The following NEMP2 variants were observed in gnomAD, a reference collection of about 807,000 sequenced individuals.
NEMP2 encodes the protein nuclear envelope integral membrane protein 2, also known as UPF0571 transmembrane protein.
A neutral mutation model predicts 54.2 loss-of-function variants in NEMP2; 53 were observed. The observed-to-expected ratio is 0.98, with a 90% CI of 0.78 to 1.23. The LOEUF is 1.23. NEMP2 is among the 50% of genes most tolerant of loss of function. The pLI, the probability that NEMP2 is intolerant of heterozygous loss-of-function variation, is 0.00. For missense variants in NEMP2, 455 were observed against 511.3 expected (o/e 0.89, Z 1.06); for synonymous variants, 197 against 190.3 (o/e 1.04, Z -0.29).
the NEMP2 span, among the ~76,000 whole-genome samples, chr2:190,638,013 G>A: frequency 6.6e-6 from 1 of 152,206 alleles, no homozygotes; most frequent in African/African-American, 2.4e-5. This position sits in a 1 kb window ranked among gnomAD's most constrained non-coding sequence, Gnocchi z 5.7. Flanking sequence ...CTGGGTGCCC[G>A]AGAGGGAGGT....
At chr2:190,606,963 C>T in the NEMP2 span, among the ~76,000 whole-genome samples, 88 of 152,162 alleles carry the variant, frequency 5.8e-4, no homozygotes, top group Non-Finnish European at 8.5e-4. Flanking sequence ...TACCTTGTAC[C>T]GGGAATGCAG....
chr2:190,431,487 G>T, the NEMP2 span, among the ~76,000 whole-genome samples: 2 of 152,324 alleles, frequency 1.3e-5, no homozygotes, highest in East Asian at 3.9e-4. This position sits in a 1 kb window ranked among gnomAD's most constrained non-coding sequence, Gnocchi z 4.4. Context: ...CGGATCACTC[G>T]CGATTAGGAG....
chr2:190,455,538 C>G, the NEMP2 span, among the ~76,000 whole-genome samples: 4 of 152,226 alleles, frequency 2.6e-5, no homozygotes, highest in South Asian at 8.3e-4. Flanking sequence ...ACCCTGGCAA[C>G]TTGGTGAACC....
chr2:190,562,093 T>C, the NEMP2 span, among the ~76,000 whole-genome samples: 1 of 152,208 alleles, frequency 6.6e-6, no homozygotes, highest in Non-Finnish European at 1.5e-5. This position sits in a 1 kb window ranked among gnomAD's most constrained non-coding sequence, Gnocchi z 5.0. Context: ...ATATTTGATT[T>C]AGGATGACCT....
the NEMP2 span, among the ~76,000 whole-genome samples, chr2:190,575,155 G>A: frequency 2.6e-5 from 4 of 151,610 alleles, no homozygotes; most frequent in Non-Finnish European, 5.9e-5. Flanking sequence ...GTGCCCAGCC[G>A]ACTCTGTTTC....
chr2:190,441,878 C>G, the NEMP2 span, among the ~76,000 whole-genome samples: 14 of 152,180 alleles, frequency 9.2e-5, no homozygotes, highest in South Asian at 6.2e-4. Context: ...AGTGGTCTGG[C>G]TTCCCAGCTT....
At chr2:190,619,338 A>C in the NEMP2 span, among the ~76,000 whole-genome samples, 1 of 151,196 alleles carries the variant, frequency 6.6e-6, no homozygotes, top group South Asian at 2.1e-4. This position sits in a 1 kb window ranked among gnomAD's most constrained non-coding sequence, Gnocchi z 5.5. Flanking sequence ...GTCTCCACAA[A>C]AAAAAAAAAA....
chr2:190,601,896 A>G, the NEMP2 span, among the ~76,000 whole-genome samples: 7 of 152,222 alleles, frequency 4.6e-5, no homozygotes, highest in Non-Finnish European at 1.0e-4. The surrounding 1 kb of genome is among the most constrained non-coding windows in gnomAD (Gnocchi z 5.8). Context: ...AATAATAAGA[A>G]AGGTAGAATT....
the NEMP2 span, among the ~76,000 whole-genome samples, chr2:190,471,835 C>A: frequency 2.6e-5 from 4 of 152,196 alleles, no homozygotes; most frequent in Non-Finnish European, 5.9e-5. The surrounding 1 kb of genome is among the most constrained non-coding windows in gnomAD (Gnocchi z 4.7). Context: ...CTGGGAGGCA[C>A]CCCCCAGTAG....
chr2:190,471,316 G>T, the NEMP2 span, among the ~76,000 whole-genome samples: 1 of 152,226 alleles, frequency 6.6e-6, no homozygotes, highest in Admixed American at 6.5e-5. The surrounding 1 kb of genome is among the most constrained non-coding windows in gnomAD (Gnocchi z 4.7). Context: ...GGAAGCACAA[G>T]GGGTCAGGGA....
chr2:190,599,843 C>T, the NEMP2 span, among the ~76,000 whole-genome samples: 9 of 152,118 alleles, frequency 5.9e-5, no homozygotes, highest in African/African-American at 9.7e-5. Context: ...ACAAACTCAC[C>T]GACCTTGCAG....
chr2:190,538,677 T>C (rs936844683), upstream of NEMP2, among the ~76,000 whole-genome samples: 4 of 152,186 alleles, frequency 2.6e-5, no homozygotes, highest in Non-Finnish European at 5.9e-5. The surrounding 1 kb of genome is among the most constrained non-coding windows in gnomAD (Gnocchi z 4.1). Context: ...AGATACCTCA[T>C]TGTGATTTTG....
chr2:190,431,308 C>G, the NEMP2 span, among the ~76,000 whole-genome samples: 11 of 152,260 alleles, frequency 7.2e-5, no homozygotes, highest in Middle Eastern at 3.4e-3. The surrounding 1 kb of genome is among the most constrained non-coding windows in gnomAD (Gnocchi z 4.4). Flanking sequence ...GGGGTGGCGG[C>G]CGGGCAGAGG....
chr2:190,518,298 A>G (rs1690634870), intron 4 of NEMP2, among the ~76,000 whole-genome samples: 1 of 152,212 alleles, frequency 6.6e-6, no homozygotes, highest in Non-Finnish European at 1.5e-5. Context: ...AGAGTCAGAA[A>G]TTTGCTATAT....
chr2:190,576,633 G>C, the NEMP2 span, among the ~76,000 whole-genome samples: 1 of 149,430 alleles, frequency 6.7e-6, no homozygotes, highest in South Asian at 2.1e-4. Flanking sequence ...GGGGTGGGGC[G>C]GGGGGGGATC....
At position 190,530,021 on chromosome 2, in the gene NEMP2, A is replaced by T. The variant is rs1365704633; in HGVS notation, c.97+4538T>A. On this transcript the variant is annotated intron_variant, in intron 1 of 8. Coordinates refer to ENST00000409150, the MANE Select transcript of NEMP2 (RefSeq NM_001142645.2). This position sits in a 1 kb window ranked among gnomAD's most constrained non-coding sequence, Gnocchi z 4.6. Reference sequence around the variant, plus strand: ...ATCATCTTCTTGCCCCTCACTGGATAGAGGAGGTCAGAAAGAATAGGTGGC... The same window carrying T: ...ATCATCTTCTTGCCCCTCACTGGATTGAGGAGGTCAGAAAGAATAGGTGGC... Among the ~76,000 whole-genome samples, 2 of 152,224 alleles carry T rather than the reference A, an allele frequency of 1.3e-5. No homozygotes were observed. The highest frequency in any genetic ancestry group is 2.9e-5 in the Non-Finnish European group (2 of 68,036).
At chr2:190,642,133 C>T in the NEMP2 span, among the ~76,000 whole-genome samples, 2,620 of 152,302 alleles carry the variant, frequency 0.017, 27 homozygotes, top group South Asian at 0.044. The surrounding 1 kb of genome is among the most constrained non-coding windows in gnomAD (Gnocchi z 4.1). Context: ...CCCCCAAAGT[C>T]TGTAACACTT....
At chr2:190,434,425 ATTTAT>A in the NEMP2 span, among the ~76,000 whole-genome samples, 5 of 152,014 alleles carry the variant, frequency 3.3e-5, no homozygotes, top group African/African-American at 4.8e-5. This position sits in a 1 kb window ranked among gnomAD's most constrained non-coding sequence, Gnocchi z 4.3. Context: ...AAAAACATTT[ATTTAT>A]TTTATTTTAT....
chr2:190,500,241 C>G (rs199987141), downstream of NEMP2: 15 of 1,613,232 alleles, frequency 9.3e-6, no homozygotes, highest in African/African-American at 1.3e-5. The surrounding 1 kb of genome is among the most constrained non-coding windows in gnomAD (Gnocchi z 5.3). Context: ...CATCTCACAC[C>G]CTGCATGGAA....
Sources: allele counts gnomAD v4.1 joint callset (sites outside exome capture counted in the v4.1 genomes callset), GRCh38; gene constraint gnomAD v4.1.1; non-coding constraint Gnocchi (gnomAD v3.1); transcripts MANE v1.5; gene names NCBI Gene and HGNC (gene_info 2026-07-23, HGNC 2026-07-21).